NOL10: variants seen among roughly 807,000 people sequenced by gnomAD.
NOL10 encodes the protein nucleolar protein 10.
In NOL10, 58 loss-of-function variants were observed where a neutral mutation model predicts 103.5. The ratio of observed to expected loss-of-function variants is 0.56; its 90% CI spans 0.45 to 0.70. The LOEUF is 0.70. Ranked by LOEUF, NOL10 falls within the 30% of genes least tolerant of loss-of-function variation. The pLI, the probability that NOL10 is intolerant of heterozygous loss-of-function variation, is 0.00. For synonymous variants in NOL10, 287 were observed against 282.5 expected, an observed-to-expected ratio of 1.02 and a Z score of -0.16; for missense variants, 763 against 807.3, an observed-to-expected ratio of 0.95 and a Z score of 0.67.
At position 10,607,182 on chromosome 2, in the gene NOL10, T is replaced by C. The variant is rs1234756547; in HGVS notation, c.1153+3A>G. 2 of 1,540,482 alleles carry C rather than the reference T, an allele frequency of 1.3e-6. No individual in the cohort carries two copies. The highest frequency in any genetic ancestry group is 2.3e-5 in the East Asian group (1 of 43,710). On this transcript the variant is annotated splice_donor_region_variant and intron_variant, in intron 14 of 20. Transcript: ENST00000381685. ...TAATATTTCATCACAATTTTTTTTT[T>C]ACCTAAATTTTCAAGGTCTTTCTTG... is the stretch of plus-strand genomic sequence containing the variant.
intron 13 of NOL10, among the ~76,000 whole-genome samples, chr2:10,642,218 CCT>C (rs1678745035): frequency 6.6e-6 from 1 of 152,184 alleles, no homozygotes; most frequent in South Asian, 2.1e-4. Context: ...TCAATGAACA[CCT>C]CTGAGACATG....
chr2:10,669,760 C>T lies in NOL10; in HGVS notation c.465-1037G>A, dbSNP rs186451953. On this transcript the variant is annotated intron_variant, in intron 6 of 20. Transcript: ENST00000381685. ...TACAAAAATTACCTGGGCGTGGCGGCGCATGCCTGTAATCCCAGCTACTCG... is the reference window on the plus strand; with the variant it reads ...TACAAAAATTACCTGGGCGTGGCGGTGCATGCCTGTAATCCCAGCTACTCG... 6.3e-3 allele frequency among the ~76,000 whole-genome samples: 950 copies of T among 151,720 alleles called. 9 individuals carry two copies. Among genetic ancestry groups the T allele is most frequent in the African/African-American group, 0.021 (860 of 41,416 alleles).
rs527647216 is a variant in NOL10 at position 10,634,729 on chromosome 2, G to A, written c.1026+9591C>T. 2.6e-5 allele frequency among the ~76,000 whole-genome samples: 4 copies of A among 152,304 alleles called. No individual in the cohort carries two copies. In the South Asian group the frequency reaches 8.3e-4, roughly 32 times the overall value. ...AGGTCAGGGGAGAGAGGCAAGATCC[G>A]AAGTCTAGGACGTTATCAGCAGGAG... On this transcript the variant is annotated intron_variant, in intron 13 of 20. Coordinates refer to ENST00000381685, the MANE Select transcript of NOL10 (RefSeq NM_024894.4).
chr2:10,615,345 T>C (rs1025582758), intron 13 of NOL10, among the ~76,000 whole-genome samples: 2 of 152,058 alleles, frequency 1.3e-5, no homozygotes, highest in Non-Finnish European at 2.9e-5. Flanking sequence ...TAAGGCCAAG[T>C]TAAAAAAAAA....
intron 19 of NOL10, among the ~76,000 whole-genome samples, chr2:10,585,521 A>G (rs1449148229): frequency 6.6e-6 from 1 of 152,256 alleles, no homozygotes; most frequent in Non-Finnish European, 1.5e-5. Flanking sequence ...TAATAGCCAA[A>G]AAGTGGAAAC....
intron 12 of NOL10, 130 bp downstream of exon 12, chr2:10,654,351 A>G (rs1159903231): frequency 1.5e-6 from 1 of 651,628 alleles, no homozygotes; most frequent in Non-Finnish European, 2.6e-6. Context: ...ACAAAGCCAA[A>G]TTCTATCTTA....
chr2:10,671,075 T>C (rs1405950233), intron 6 of NOL10, among the ~76,000 whole-genome samples: 1 of 152,070 alleles, frequency 6.6e-6, no homozygotes, highest in East Asian at 1.9e-4. Context: ...TAAACTAGAG[T>C]CCATAACCAC....
chr2:10,673,925 T>C (rs191095346), intron 4 of NOL10, among the ~76,000 whole-genome samples: 1 of 152,300 alleles, frequency 6.6e-6, no homozygotes, highest in East Asian at 1.9e-4. Context: ...TGTCATTTTT[T>C]ACCCATTCAT....
chr2:10,689,919 C>A lies in NOL10; in HGVS notation c.-58G>T, dbSNP rs2148381034. Reference sequence around the variant, plus strand: ...CTTTCCCACCAGCGTGCTCGAGCACCGTAATCCCGGGACCTCCGAGCCCCT... The same window carrying A: ...CTTTCCCACCAGCGTGCTCGAGCACAGTAATCCCGGGACCTCCGAGCCCCT... On this transcript the variant is annotated 5_prime_UTR_variant, in exon 1 of 21. Coordinates refer to ENST00000381685, the MANE Select transcript of NOL10 (RefSeq NM_024894.4). The A allele has an allele frequency of 6.6e-7, 1 of 1,521,806 alleles. No homozygotes were observed. The highest frequency in any genetic ancestry group is 2.4e-5 in the East Asian group (1 of 41,298). The allele number at this position is 1,521,806 out of a possible 1,614,324, so 94.3% of individuals were successfully genotyped here.
At chr2:10,645,516 A>G (rs542538635) in intron 12 of NOL10, among the ~76,000 whole-genome samples, 16 of 150,386 alleles carry the variant, frequency 1.1e-4, no homozygotes, top group Non-Finnish European at 2.1e-4. Context: ...CCACTCAAGC[A>G]GGAACTCAAT....
rs557534768 is a variant in NOL10, at chr2:10,678,111, C to T, written c.212-2240G>A. On this transcript the variant is annotated intron_variant, in intron 3 of 20. Transcript: ENST00000381685. ...TTGCCCAGGTTGGAGCACAGTGGTG[C>T]AATCATAGCTCACTGTAACCTCAAA... Among the ~76,000 whole-genome samples the T allele has an allele frequency of 4.0e-5, 6 of 151,808 alleles. No homozygotes were observed. The East Asian group carries it at 1.2e-3, about 30-fold the overall frequency.
chr2:10,634,595 T>TGTTATATAAAGCCTA, intron 13 of NOL10: 2 of 456,698 alleles, frequency 4.4e-6, no homozygotes, highest in Admixed American at 4.7e-5. Context: ...AACACACAGC[T>TGTTATATAAAGCCTA]GTTATATAAA....
chr2:10,651,316 C>A (rs1679437420), intron 12 of NOL10, among the ~76,000 whole-genome samples: 1 of 152,190 alleles, frequency 6.6e-6, no homozygotes, highest in African/African-American at 2.4e-5. Flanking sequence ...ACCTTACCAG[C>A]ATCCTCAAGG....
intron 7 of NOL10, 23 bp from the exon 8 acceptor site, chr2:10,667,301 A>G: frequency 1.9e-6 from 3 of 1,538,496 alleles, no homozygotes; most frequent in Non-Finnish European, 2.7e-6. Flanking sequence ...AGCAGTAAGA[A>G]AGAATGAATT....
At chr2:10,622,249 G>C (rs998625635) in intron 13 of NOL10, 2 of 457,854 alleles carry the variant, frequency 4.4e-6, no homozygotes, top group Admixed American at 5.0e-5. Flanking sequence ...TAAAAAGAGA[G>C]CTTGATTTAC....
At chr2:10,680,322 AAGAGGGAGAGGGAGAAGAGGG>A (rs1558354129) in intron 3 of NOL10, among the ~76,000 whole-genome samples, 4 of 67,018 alleles carry the variant, frequency 6.0e-5, no homozygotes, top group South Asian at 8.9e-4. Context: ...GAAGAGGGAG[AAGAGGGAGAGGGAGAAGAGGG>A]AGAGGGAGAA....
chr2:10,662,877 C>A, intron 9 of NOL10, 82 bp downstream of exon 9: 2 of 1,030,254 alleles, frequency 1.9e-6, no homozygotes, highest in African/African-American at 1.6e-5. Context: ...TATCCTGTAG[C>A]AATTTATTTG....
chr2:10,591,329 G>A (rs1209292993), intron 17 of NOL10, among the ~76,000 whole-genome samples: 1 of 152,120 alleles, frequency 6.6e-6, no homozygotes, highest in African/African-American at 2.4e-5. Context: ...TGCCACAGGA[G>A]AGGACAGAAA....
intron 13 of NOL10, among the ~76,000 whole-genome samples, chr2:10,633,597 A>C (rs1159341462): frequency 2.0e-5 from 3 of 151,818 alleles, no homozygotes; most frequent in African/African-American, 7.3e-5. Context: ...CTATTTGGTG[A>C]TCTTTGTAAA....
Sources: allele counts gnomAD v4.1 joint callset (sites outside exome capture counted in the v4.1 genomes callset), GRCh38; gene constraint gnomAD v4.1.1; transcripts MANE v1.5; gene names NCBI Gene and HGNC (gene_info 2026-07-23, HGNC 2026-07-21).